TMEM132D: variants seen among roughly 807,000 people sequenced by gnomAD.
The protein encoded by TMEM132D is mature OL transmembrane protein.
Under a neutral mutation model 62.3 loss-of-function variants are expected in TMEM132D, and 21 were observed. The observed-to-expected ratio is 0.34, with a 90% CI of 0.24 to 0.49. The LOEUF is 0.49. Among genes scored for constraint, TMEM132D ranks in the 20% least tolerant of loss-of-function variants. TMEM132D has a pLI of 0.99. For synonymous variants in TMEM132D, 621 were observed against 575.6 expected, an observed-to-expected ratio of 1.08 and a Z score of -1.13; for missense variants, 1,346 against 1,402.8, an observed-to-expected ratio of 0.96 and a Z score of 0.65.
At chr12:129,758,124 C>T (rs1425421697) in intron 1 of TMEM132D, among the ~76,000 whole-genome samples, 2 of 152,084 alleles carry the variant, frequency 1.3e-5, no homozygotes, top group Non-Finnish European at 2.9e-5. Flanking sequence ...AGGCTGGTCT[C>T]GAACTCCCGA....
chr12:129,088,920 GA>G (rs1164749605), intron 5 of TMEM132D, among the ~76,000 whole-genome samples: 1 of 38,682 alleles, frequency 2.6e-5, no homozygotes, highest in Admixed American at 2.5e-4. Context: ...CCATGACCGG[GA>G]TGTCCTCCAT....
intron 2 of TMEM132D, among the ~76,000 whole-genome samples, chr12:129,552,579 A>G (rs535921916): frequency 7.2e-5 from 11 of 151,852 alleles, no homozygotes; most frequent in Admixed American, 2.0e-4. Context: ...CTATCTGTTC[A>G]CATCCATTAT....
At chr12:129,143,941 C>T (rs1876816612) in intron 5 of TMEM132D, among the ~76,000 whole-genome samples, 1 of 151,102 alleles carries the variant, frequency 6.6e-6, no homozygotes, top group South Asian at 2.1e-4. Context: ...CACTCTTGAA[C>T]TCCCAGAGGA....
At chr12:129,254,120 C>T (rs1419473108) in intron 4 of TMEM132D, among the ~76,000 whole-genome samples, 1 of 152,060 alleles carries the variant, frequency 6.6e-6, no homozygotes, top group Non-Finnish European at 1.5e-5. Context: ...TATCCTCTAG[C>T]CAGGACTTTC....
intron 7 of TMEM132D, among the ~76,000 whole-genome samples, chr12:129,081,333 C>A (rs964090363): frequency 2.6e-5 from 4 of 152,184 alleles, no homozygotes; most frequent in Admixed American, 1.3e-4. Context: ...GGGTCTAGCT[C>A]CATCATCCAG....
chr12:129,167,912 T>C (rs1877611873), intron 5 of TMEM132D, among the ~76,000 whole-genome samples: 1 of 152,134 alleles, frequency 6.6e-6, no homozygotes, highest in Admixed American at 6.5e-5. Context: ...TGGTTCACTG[T>C]CACCATCGAG....
chr12:129,358,956 C>CT (rs11352248), intron 3 of TMEM132D, among the ~76,000 whole-genome samples: 11 of 148,774 alleles, frequency 7.4e-5, no homozygotes, highest in East Asian at 4.0e-4. Context: ...AAATTTCAAG[C>CT]TTTTTTTTTT....
chr12:129,820,186 G>A (rs1346484772), intron 1 of TMEM132D, among the ~76,000 whole-genome samples: 1 of 152,184 alleles, frequency 6.6e-6, no homozygotes, highest in African/African-American at 2.4e-5. Context: ...CTTTTCAGGA[G>A]TTCTTTTGAA....
intron 2 of TMEM132D, among the ~76,000 whole-genome samples, chr12:129,682,094 T>A (rs187284537): frequency 3.2e-4 from 49 of 152,318 alleles, no homozygotes; most frequent in African/African-American, 1.1e-3. Flanking sequence ...CTCTTTTTGT[T>A]TCTTCTTTAT....
chr12:129,205,029 A>G (rs2135563331), intron 5 of TMEM132D, among the ~76,000 whole-genome samples: 1 of 152,364 alleles, frequency 6.6e-6, no homozygotes, highest in Non-Finnish European at 1.5e-5. Context: ...AAGGAGCACT[A>G]AATATGGAAA....
At chr12:129,628,905 C>T (rs1593096331) in intron 2 of TMEM132D, among the ~76,000 whole-genome samples, 1 of 151,390 alleles carries the variant, frequency 6.6e-6, no homozygotes, top group South Asian at 2.1e-4. Context: ...TCCCCATCTT[C>T]CTTCCTTCAT....
intron 5 of TMEM132D, 160 bp from the exon 6 acceptor site, chr12:129,084,862 T>C: frequency 1.6e-6 from 1 of 626,204 alleles, no homozygotes; most frequent in Non-Finnish European, 2.7e-6. Context: ...AGACATTGGG[T>C]GTTGCTTTTG....
At chr12:129,635,493 G>T (rs1879453196) in intron 2 of TMEM132D, among the ~76,000 whole-genome samples, 2 of 152,170 alleles carry the variant, frequency 1.3e-5, no homozygotes, top group Admixed American at 1.3e-4. Flanking sequence ...TCTCCAAGAA[G>T]CCTCAGGTCA....
chr12:129,239,185 A>C (rs915448464), intron 4 of TMEM132D, among the ~76,000 whole-genome samples: 1 of 152,044 alleles, frequency 6.6e-6, no homozygotes, highest in Admixed American at 6.6e-5. Context: ...AAATTTGTTT[A>C]TCTTTTTGTG....
chr12:129,860,733 C>G (rs1053036153), intron 1 of TMEM132D, among the ~76,000 whole-genome samples: 5 of 152,136 alleles, frequency 3.3e-5, no homozygotes, highest in Non-Finnish European at 7.3e-5. Flanking sequence ...TTCTGCAGGG[C>G]TGGGGAGGCC....
intron 3 of TMEM132D, among the ~76,000 whole-genome samples, chr12:129,463,076 C>G (rs1202383744): frequency 2.0e-5 from 3 of 152,278 alleles, no homozygotes; most frequent in Middle Eastern, 3.4e-3. Flanking sequence ...TAGACAGCAT[C>G]ACTTGTTTCC....
intron 1 of TMEM132D, among the ~76,000 whole-genome samples, chr12:129,884,137 G>A (rs1183603979): frequency 1.3e-5 from 2 of 152,038 alleles, no homozygotes; most frequent in African/African-American, 4.8e-5. Flanking sequence ...TCACTATGTT[G>A]CCCAAAATGA....
intron 5 of TMEM132D, among the ~76,000 whole-genome samples, chr12:129,097,777 T>C (rs1382950646): frequency 1.3e-5 from 2 of 152,236 alleles, no homozygotes; most frequent in Non-Finnish European, 1.5e-5. Context: ...TTTCCTCCCT[T>C]TGTTTCTTAT....
rs2137227430 is a variant in TMEM132D at position 129,700,493 on chromosome 12, G to A, written c.285C>T (p.Ala95=). The A allele has an allele frequency of 1.2e-6, 2 of 1,614,144 alleles. No homozygotes were observed. Among genetic ancestry groups the A allele is most frequent in the African/African-American group, 1.3e-5 (1 of 75,034 alleles). Residue 95 remains alanine (A), a synonymous_variant, in exon 2 of 9, where the codon GCC becomes GCT. Coordinates refer to ENST00000422113, the MANE Select transcript of TMEM132D (RefSeq NM_133448.3). ...YKSRRLPVLN[A]SYGPFSIEQV... is the part of the protein sequence containing the mutation. ...GCTCGATGGAGAAAGGCCCGTAGCTGGCATTGAGGACAGGCAGCCTCCTGG... is the reference window on the plus strand; with the variant it reads ...GCTCGATGGAGAAAGGCCCGTAGCTAGCATTGAGGACAGGCAGCCTCCTGG...
Sources: gnomAD v4.1 joint callset for allele counts (sites outside exome capture counted in the v4.1 genomes callset) on GRCh38, gnomAD v4.1.1 for gene constraint, MANE v1.5 for transcripts, NCBI Gene and HGNC (gene_info 2026-07-23, HGNC 2026-07-21) for gene names.